Variants in HELB observed in about 807,000 individuals in gnomAD.
HELB encodes DNA 5'-3' helicase B.
In HELB, 96 loss-of-function variants were observed where a neutral mutation model predicts 101.7. That is an observed-to-expected ratio of 0.94 (90% confidence interval 0.80 to 1.12). The LOEUF (loss-of-function observed/expected upper bound fraction) is 1.12, where lower values mean the gene tolerates loss of function less well. HELB is among the 50% of genes most tolerant of loss of function. The pLI, the probability that HELB is intolerant of heterozygous loss-of-function variation, is 0.00. For synonymous variants in HELB, 437 were observed against 459.7 expected (o/e 0.95, Z 0.63); for missense variants, 1,210 against 1,291.9 (o/e 0.94, Z 0.97).
intron 5 of HELB, among the ~76,000 whole-genome samples, chr12:66,314,868 G>A (rs1197478739): frequency 6.6e-6 from 1 of 151,958 alleles, no homozygotes; most frequent in Admixed American, 6.6e-5. Context: ...GTTATCAAAT[G>A]CATTTATTTA....
chr12:66,332,505 C>T (rs941148938), intron 12 of HELB, among the ~76,000 whole-genome samples: 3 of 152,224 alleles, frequency 2.0e-5, no homozygotes, highest in Admixed American at 1.3e-4. Context: ...CATGAATCCT[C>T]CCTTTGTCCA....
chr12:66,303,889 T>C lies in HELB; in HGVS notation c.188-842T>C, dbSNP rs376598942. Among the ~76,000 whole-genome samples, 21 of 152,382 alleles carry C rather than the reference T, an allele frequency of 1.4e-4. No homozygotes were observed. In the East Asian group the frequency reaches 3.7e-3, roughly 27 times the overall value. ...TTTCCATGATCATGGCAGTGTTTTA[T>C]ATCTGCACTGTCTGGTATAATAGCC... On this transcript the variant is annotated intron_variant, in intron 1 of 12. Coordinates refer to ENST00000247815, the MANE Select transcript of HELB (RefSeq NM_001370285.1).
chr12:66,338,346 A>G (rs548261412), downstream of HELB: 47 of 289,124 alleles, frequency 1.6e-4, no homozygotes, highest in East Asian at 4.0e-3. Context: ...ATTTTTATAC[A>G]ATTATGTACA....
At chr12:66,327,700 T>C (rs987929317) in intron 11 of HELB, among the ~76,000 whole-genome samples, 78 of 152,326 alleles carry the variant, frequency 5.1e-4, no homozygotes, top group African/African-American at 1.8e-3. Context: ...TGGTGTTTGG[T>C]ACAGGTCAGT....
intron 12 of HELB, among the ~76,000 whole-genome samples, chr12:66,334,710 T>C (rs1330145898): frequency 6.6e-6 from 1 of 151,886 alleles, no homozygotes; most frequent in South Asian, 2.1e-4. Flanking sequence ...CCCCAGGAGG[T>C]TGAGGCTGCA....
intron 7 of HELB, 92 bp downstream of exon 7, chr12:66,318,884 A>G (rs2053639993): frequency 1.0e-6 from 1 of 973,254 alleles, no homozygotes; most frequent in African/African-American, 1.7e-5. Flanking sequence ...ATTTTCTTTA[A>G]TGGTAAAGAG....
chr12:66,304,329 A>G (rs1405511023), intron 1 of HELB, among the ~76,000 whole-genome samples: 3 of 152,230 alleles, frequency 2.0e-5, no homozygotes, highest in South Asian at 4.1e-4. Flanking sequence ...TAAATGTAGT[A>G]AACAGTAAAG....
At chr12:66,307,383 A>T (rs951701424) in intron 3 of HELB, among the ~76,000 whole-genome samples, 1 of 152,148 alleles carries the variant, frequency 6.6e-6, no homozygotes, top group African/African-American at 2.4e-5. Context: ...GTTTAAAAAA[A>T]CCCTGTAAAA....
intron 11 of HELB, among the ~76,000 whole-genome samples, chr12:66,327,767 GAT>G (rs1198022304): frequency 6.6e-6 from 1 of 152,012 alleles, no homozygotes; most frequent in African/African-American, 2.4e-5. Flanking sequence ...TGGGAAAGGG[GAT>G]AGAGACAGAC....
In HELB at chr12:66,331,341, G is replaced by A; in HGVS notation, c.2858G>A (p.Ser953Asn). ...RKTRLKHFLQ[S>N]KLSSSGAPPA... is the part of the protein sequence containing the mutation. ...ACTCGTTTGAAACATTTCTTGCAAA[G>A]TAAGCTCTCCTCTAGCGGCGCACCT... The change falls in exon 12 of 13, where the codon AGT becomes AAT. Residue 953 changes from serine (S) to asparagine (N), a missense_variant. This residue lies in a region of HELB where 740 missense variants were observed against 728.8 expected (regional missense o/e 1.02). Coordinates refer to ENST00000247815, the MANE Select transcript of HELB (RefSeq NM_001370285.1). The A allele has an allele frequency of 6.2e-7, 1 of 1,614,202 alleles. No homozygotes were observed. Among genetic ancestry groups the A allele is most frequent in the African/African-American group, 1.3e-5 (1 of 75,048 alleles).
At chr12:66,330,742 T>C (rs2053796056) in intron 11 of HELB, among the ~76,000 whole-genome samples, 1 of 149,168 alleles carries the variant, frequency 6.7e-6, no homozygotes, top group Non-Finnish European at 1.5e-5. Context: ...TTTATACATA[T>C]ATTTATATAT....
rs563577897 is a variant in HELB at position 66,313,735 on chromosome 12, T to G, written c.1681-251T>G. Among the ~76,000 whole-genome samples, 4 of 152,266 alleles carry G rather than the reference T, an allele frequency of 2.6e-5. No homozygotes were observed. The East Asian group carries it at 7.7e-4, about 29-fold the overall frequency. On this transcript the variant is annotated intron_variant, in intron 4 of 12. Coordinates refer to ENST00000247815, the MANE Select transcript of HELB (RefSeq NM_001370285.1). Reference sequence around the variant, plus strand: ...AGGTTTATTTGGGAATGGAAAAGAATAGGGAGCTTTCTGTGTTTAAGAACG... The same window carrying G: ...AGGTTTATTTGGGAATGGAAAAGAAGAGGGAGCTTTCTGTGTTTAAGAACG...
chr12:66,327,955 G>A (rs2053761327), intron 11 of HELB, among the ~76,000 whole-genome samples: 1 of 152,146 alleles, frequency 6.6e-6, no homozygotes, highest in Admixed American at 6.6e-5. Context: ...AGAAGGAAAA[G>A]AAGTTAGTCA....
intron 6 of HELB, among the ~76,000 whole-genome samples, chr12:66,318,212 C>T (rs913305171): frequency 6.6e-5 from 10 of 152,178 alleles, no homozygotes; most frequent in African/African-American, 2.4e-4. Context: ...TCCCAATTCT[C>T]CTGTTTTCTA....
chr12:66,324,012 T>C lies in HELB; in HGVS notation c.2327T>C (p.Ile776Thr), dbSNP rs1211096330. ...KDHQSRLVFG[I>T]GDKICCTRNA... Reference sequence around the variant, plus strand: ...CATCAGAGTAGACTTGTTTTTGGAATTGGTGATAAAATTTGTTGTACCAGG... The same window carrying C: ...CATCAGAGTAGACTTGTTTTTGGAACTGGTGATAAAATTTGTTGTACCAGG... Residue 776 changes from isoleucine to threonine, a missense_variant, in exon 10 of 13, where the codon ATT (isoleucine) becomes ACT (threonine). By Grantham distance (89) the Ile-to-Thr change is moderately conservative (BLOSUM62 -1). This residue lies in a region of HELB where 740 missense variants were observed against 728.8 expected (regional missense o/e 1.02). Transcript: ENST00000247815. 7.4e-6 allele frequency: 12 copies of C among 1,612,764 alleles called. No individual in the cohort carries two copies. The highest frequency in any genetic ancestry group is 1.0e-5 in the Non-Finnish European group (12 of 1,178,952).
intron 12 of HELB, among the ~76,000 whole-genome samples, chr12:66,337,324 T>C (rs1242091386): frequency 6.6e-6 from 1 of 152,200 alleles, no homozygotes; most frequent in Non-Finnish European, 1.5e-5. Context: ...CAGGAAAATA[T>C]CTTTTTCTGA....
At chr12:66,304,229 A>G (rs2053444406) in intron 1 of HELB, among the ~76,000 whole-genome samples, 1 of 152,244 alleles carries the variant, frequency 6.6e-6, no homozygotes, top group Non-Finnish European at 1.5e-5. Context: ...AATGCTTAGA[A>G]GGAATGCTAA....
intron 6 of HELB, 82 bp downstream of exon 6, chr12:66,315,465 T>A: frequency 1.0e-6 from 1 of 994,094 alleles, no homozygotes; most frequent in Non-Finnish European, 1.4e-6. Flanking sequence ...AATGATTTAG[T>A]ACAATACATT....
chr12:66,304,720 T>A lies in HELB; in HGVS notation c.188-11T>A. The A allele has an allele frequency of 1.3e-6, 2 of 1,541,902 alleles. No homozygotes were observed. Among genetic ancestry groups the A allele is most frequent in the Middle Eastern group, 3.5e-4 (2 of 5,740 alleles). ...GTTAACTTTTGTGGGTTTTTGTTTG[T>A]TTTTTTTTAGTTTCTATTTGTGATG... On this transcript the variant is annotated splice_polypyrimidine_tract_variant and intron_variant, in intron 1 of 12. Coordinates refer to ENST00000247815, the MANE Select transcript of HELB (RefSeq NM_001370285.1).
Sources: allele counts gnomAD v4.1 joint callset (sites outside exome capture counted in the v4.1 genomes callset), GRCh38; gene constraint gnomAD v4.1.1; regional missense constraint gnomAD v4.1.1; transcripts MANE v1.5; gene names NCBI Gene and HGNC (gene_info 2026-07-23, HGNC 2026-07-21).